ITSN1: variants seen among roughly 807,000 people sequenced by gnomAD.
ITSN1 encodes the protein intersectin 1, also known as intersectin-1.
ITSN1 carries 58 observed loss-of-function variants against 239.8 expected under a neutral mutation model. That is an observed-to-expected ratio of 0.24 (90% CI 0.20 to 0.30). The LOEUF (loss-of-function observed/expected upper bound fraction) is 0.30. Ranked by LOEUF, ITSN1 falls within the 10% of genes least tolerant of loss-of-function variation. The pLI is 1.00. For missense variants in ITSN1, 1,558 were observed against 2,103.3 expected, an observed-to-expected ratio of 0.74 and a Z score of 5.07; for synonymous variants, 780 against 770.8, an observed-to-expected ratio of 1.01 and a Z score of -0.20.
Position 33,858,734 on chromosome 21 carries a change from G to A in ITSN1, c.3832G>A (p.Val1278Ile), listed in dbSNP as rs149830687. 1.3e-5 allele frequency: 21 copies of A among 1,613,888 alleles called. No homozygotes were observed. The highest frequency in any genetic ancestry group is 1.7e-5 in the Non-Finnish European group (20 of 1,179,904). ...MESELLTEKE[V>I]AMIFVNWKEL... ...GTCTGAGCTGCTGACAGAAAAAGAG[G>A]TTGCTATGATTTTTGTGAACTGGAA... The change falls in exon 31 of 40, where the codon GTT (valine) becomes ATT (isoleucine). Residue 1278 changes from valine (V) to isoleucine (I), a missense_variant. Physicochemically the swap from Val to Ile is conservative, Grantham distance 29. Coordinates refer to ENST00000381318, the MANE Select transcript of ITSN1 (RefSeq NM_003024.3).
rs1482734209 is a variant in ITSN1 at position 33,745,497 on chromosome 21, TCTGAGAATCATTTATGCCTGAAAAGCTG to T, written c.347-4640_347-4613del. Among the ~76,000 whole-genome samples, 6 of 152,340 alleles carry T rather than the reference TCTGAGAATCATTTATGCCTGAAAAGCTG, an allele frequency of 3.9e-5. No individual in the cohort carries two copies. In the East Asian group the frequency reaches 9.6e-4, roughly 24 times the overall value. On this transcript the variant is annotated intron_variant, in intron 5 of 39. Coordinates refer to ENST00000381318, the MANE Select transcript of ITSN1 (RefSeq NM_003024.3). Reference sequence around the variant, plus strand: ...GGAAATTAACCAAAGGTATATAACATCTGAGAATCATTTATGCCTGAAAAGCTGCTGAGCTTCAGATATGAAGCAGAAG... The same window carrying T: ...GGAAATTAACCAAAGGTATATAACATCTGAGCTTCAGATATGAAGCAGAAG...
At chr21:33,726,959 A>T (rs1016421142) in intron 4 of ITSN1, among the ~76,000 whole-genome samples, 1 of 152,184 alleles carries the variant, frequency 6.6e-6, no homozygotes, top group African/African-American at 2.4e-5. Context: ...AACCTTTATT[A>T]TGTTTTATTT....
In ITSN1 at chr21:33,765,934, T is replaced by G. The variant is rs765466442; in HGVS notation, c.848T>G (p.Met283Arg). The G allele has an allele frequency of 6.2e-7, 1 of 1,614,150 alleles. No homozygotes were observed. Among genetic ancestry groups the G allele is most frequent in the South Asian group, 1.1e-5 (1 of 91,080 alleles). The part of the protein sequence containing the change: ...KLTAEEFILA[M>R]HLIDVAMSGQ... ...ACAGCAGAGGAATTTATCCTGGCAA[T>G]GCACCTCATTGATGTAGCTATGTCT... is the stretch of plus-strand genomic sequence containing the variant. Residue 283 changes from methionine (M) to arginine (R), a missense_variant, in exon 10 of 40, where the codon ATG becomes AGG. By Grantham distance (91) the Met-to-Arg change is moderately conservative. Coordinates refer to ENST00000381318, the MANE Select transcript of ITSN1 (RefSeq NM_003024.3).
intron 1 of ITSN1, among the ~76,000 whole-genome samples, chr21:33,650,269 G>A (rs185337161): frequency 1.3e-5 from 2 of 152,226 alleles, no homozygotes; most frequent in African/African-American, 2.4e-5. Context: ...TCATGGACGT[G>A]GACGAGGTCA....
intron 34 of ITSN1, among the ~76,000 whole-genome samples, chr21:33,879,525 A>C (rs975708074): frequency 2.2e-4 from 34 of 152,234 alleles, no homozygotes; most frequent in Admixed American, 2.1e-3. Flanking sequence ...CTTGATCCTG[A>C]AGACAAGGGA....
intron 11 of ITSN1, among the ~76,000 whole-genome samples, chr21:33,768,716 A>T (rs1256280771): frequency 6.6e-6 from 1 of 152,240 alleles, no homozygotes; most frequent in Non-Finnish European, 1.5e-5. Context: ...GTCTTTTATG[A>T]TAAATACTTT....
chr21:33,840,364 G>A (rs1475694087), intron 29 of ITSN1, among the ~76,000 whole-genome samples: 1 of 149,686 alleles, frequency 6.7e-6, no homozygotes, highest in Non-Finnish European at 1.5e-5. Context: ...TTTGTTTTTT[G>A]TTTTTTAATT....
Position 33,865,125 on chromosome 21 carries a change from G to A in ITSN1, c.3891-26G>A, listed in dbSNP as rs371796752. 421 of 1,597,860 alleles carry A rather than the reference G, an allele frequency of 2.6e-4. 1 individual carries two copies. Among genetic ancestry groups the A allele is most frequent in the South Asian group, 1.3e-3 (110 of 87,988 alleles). On this transcript the variant is annotated intron_variant, in intron 31 of 39. Transcript: ENST00000381318. This position sits in a 1 kb window ranked among gnomAD's most constrained non-coding sequence, Gnocchi z 4.4. ...GCTGTCAGATAGCGTGAAAGCAGGGGGCTCACCTCCCGTGTTTCCGTGCAG... is the reference window on the plus strand; with the variant it reads ...GCTGTCAGATAGCGTGAAAGCAGGGAGCTCACCTCCCGTGTTTCCGTGCAG...
chr21:33,795,096 C>A (rs1054676253), intron 17 of ITSN1, among the ~76,000 whole-genome samples: 1 of 152,036 alleles, frequency 6.6e-6, no homozygotes, highest in South Asian at 2.1e-4. Flanking sequence ...TTAGACTCCA[C>A]GAAACAAAAA....
intron 4 of ITSN1, among the ~76,000 whole-genome samples, chr21:33,731,032 C>T (rs2066152076): frequency 6.6e-6 from 1 of 152,206 alleles, no homozygotes; most frequent in Non-Finnish European, 1.5e-5. Flanking sequence ...TTAGAATTTT[C>T]ATTACCAGGG....
At chr21:33,697,405 T>A (rs2091844886) in intron 1 of ITSN1, among the ~76,000 whole-genome samples, 1 of 152,078 alleles carries the variant, frequency 6.6e-6, no homozygotes, top group South Asian at 2.1e-4. Context: ...CTTTAGTGAC[T>A]GTATATATCT....
rs1986461641 is a variant in ITSN1 at position 33,892,967 on chromosome 21, T to C, written c.*4667T>C. 6.6e-6 allele frequency: 1 copy of C among 152,208 alleles called. No homozygotes were observed. Among genetic ancestry groups the C allele is most frequent in the South Asian group, 2.1e-4 (1 of 4,832 alleles). 9.4% of individuals were successfully genotyped at this position (152,208 alleles called of 1,614,324 possible). On this transcript the variant is annotated 3_prime_UTR_variant, in exon 40 of 40. Transcript: ENST00000381318. The stretch of plus-strand genomic sequence containing the variant: ...TTCTGCCCAGTGACCTTACAGGCTT[T>C]AGAGGAGCCTGATGAGAGCTATCCT...
intron 1 of ITSN1, among the ~76,000 whole-genome samples, chr21:33,705,071 A>G (rs1461805082): frequency 1.3e-5 from 2 of 148,928 alleles, no homozygotes; most frequent in Non-Finnish European, 3.0e-5. Flanking sequence ...AGATCGGGCC[A>G]CTGCACTCCA....
chr21:33,695,215 C>T (rs562211291), intron 1 of ITSN1, among the ~76,000 whole-genome samples: 6 of 152,338 alleles, frequency 3.9e-5, no homozygotes, highest in Non-Finnish European at 7.3e-5. Context: ...TCTCTTTGCT[C>T]TAACAGTATT....
intron 1 of ITSN1, among the ~76,000 whole-genome samples, chr21:33,653,909 G>A (rs918968927): frequency 6.6e-6 from 1 of 152,122 alleles, no homozygotes; most frequent in Non-Finnish European, 1.5e-5. Flanking sequence ...TCCTGTCGCA[G>A]CCTCCCAAAG....
intron 18 of ITSN1, among the ~76,000 whole-genome samples, chr21:33,798,071 C>A (rs904660328): frequency 6.6e-6 from 1 of 152,092 alleles, no homozygotes; most frequent in Non-Finnish European, 1.5e-5. Flanking sequence ...TTTGCCTTTT[C>A]TTTACTTCTC....
intron 1 of ITSN1, among the ~76,000 whole-genome samples, chr21:33,664,759 A>T (rs949932423): frequency 2.6e-5 from 4 of 152,192 alleles, no homozygotes; most frequent in Non-Finnish European, 5.9e-5. Context: ...TATTCTTATC[A>T]CCTGTGATCC....
Position 33,882,346 on chromosome 21 carries a change from T to A in ITSN1, c.4445T>A (p.Leu1482His). 1 of 1,614,214 alleles carries A rather than the reference T, an allele frequency of 6.2e-7. No homozygotes were observed. Among genetic ancestry groups the A allele is most frequent in the Non-Finnish European group, 8.5e-7 (1 of 1,180,034 alleles). ...AGCAACAAGGAGCTGTATGGCTTCCTTTTCAACGACTTCCTCCTGCTGACT... is the reference window on the plus strand; with the variant it reads ...AGCAACAAGGAGCTGTATGGCTTCCATTTCAACGACTTCCTCCTGCTGACT... Reference protein sequence around the residue: ...AKSNKELYGFLFNDFLLLTQI... With the variant: ...AKSNKELYGFHFNDFLLLTQI... The change falls in exon 35 of 40, where the codon CTT becomes CAT. Residue 1482 changes from leucine to histidine, a missense_variant. By Grantham distance (99) the Leu-to-His change is moderately conservative. Transcript: ENST00000381318. This position sits in a 1 kb window ranked among gnomAD's most constrained non-coding sequence, Gnocchi z 4.5.
At chr21:33,680,975 A>G (rs1461249648) in intron 1 of ITSN1, among the ~76,000 whole-genome samples, 1 of 152,254 alleles carries the variant, frequency 6.6e-6, no homozygotes, top group Non-Finnish European at 1.5e-5. Flanking sequence ...AGTTTACGAC[A>G]ACAAAACTTT....
Sources: gnomAD v4.1 joint callset for allele counts (sites outside exome capture counted in the v4.1 genomes callset) on GRCh38, gnomAD v4.1.1 for gene constraint, Gnocchi (gnomAD v3.1) non-coding constraint, MANE v1.5 for transcripts, NCBI Gene and HGNC (gene_info 2026-07-23, HGNC 2026-07-21) for gene names.